EP400: variants seen among roughly 807,000 people sequenced by gnomAD.
EP400 encodes the protein E1A-binding protein p400.
EP400 carries 105 observed loss-of-function variants against 354.1 expected under a neutral mutation model. The ratio of observed to expected loss-of-function variants is 0.30; its 90% CI spans 0.25 to 0.35. The LOEUF is 0.35. Ranked by LOEUF, EP400 falls within the 10% of genes least tolerant of loss-of-function variation. EP400 has a pLI of 1.00. For synonymous variants in EP400, 1,646 were observed against 1,716.9 expected (o/e 0.96, Z 1.02); for missense variants, 3,280 against 4,121.0 (o/e 0.80, Z 5.59).
intron 45 of EP400, among the ~76,000 whole-genome samples, chr12:132,055,829 C>G (rs1309522890): frequency 6.6e-6 from 1 of 151,564 alleles, no homozygotes; most frequent in Non-Finnish European, 1.5e-5. Context: ...ATGTGAGGGT[C>G]CGCTGCTGAT....
rs1265775062 is a variant in EP400, at chr12:132,077,499, G to T, written c.9198G>T (p.Gln3066His). 6.2e-7 allele frequency: 1 copy of T among 1,613,784 alleles called. No homozygotes were observed. The highest frequency in any genetic ancestry group is 8.5e-7 in the Non-Finnish European group (1 of 1,180,024). ...CCGCGACTGCCCAGGTGGTTCAGCA[G>T]AAACTCATTCAGCAGCAGGTGGTGA... ...AVTATAQVVQ[Q>H]KLIQQQVVTT... The change falls in exon 53 of 53, where the codon CAG (glutamine) becomes CAT (histidine). Residue 3066 changes from glutamine to histidine, a missense_variant. By Grantham distance (24) the Gln-to-His change is conservative. Coordinates refer to ENST00000389561, the MANE Select transcript of EP400 (RefSeq NM_015409.5).
intron 2 of EP400, 124 bp from the exon 3 acceptor site, chr12:131,979,570 G>GTAGATAACAT: frequency 1.4e-6 from 1 of 717,548 alleles, no homozygotes; most frequent in African/African-American, 1.8e-5. Flanking sequence ...AAGACACGGG[G>GTAGATAACAT]TAGATAACAT....
intron 16 of EP400, 21 bp downstream of exon 16, chr12:132,011,655 A>G: frequency 1.3e-6 from 2 of 1,569,082 alleles, no homozygotes; most frequent in Non-Finnish European, 1.7e-6. Flanking sequence ...TTTAAACATA[A>G]AATAAAGCTA....
Position 131,990,891 on chromosome 12 carries a change from T to A in EP400, c.2629+177T>A, listed in dbSNP as rs1304121015. ...CATCCTAGTTTTATGCTTCAGTGCTTTTGAGATGTGCTAGTGTGAGTCAGC... is the reference window on the plus strand; with the variant it reads ...CATCCTAGTTTTATGCTTCAGTGCTATTGAGATGTGCTAGTGTGAGTCAGC... On this transcript the variant is annotated intron_variant, in intron 9 of 52. Coordinates refer to ENST00000389561, the MANE Select transcript of EP400 (RefSeq NM_015409.5). The surrounding 1 kb of genome is among the most constrained non-coding windows in gnomAD (Gnocchi z 4.2). Among the ~76,000 whole-genome samples the A allele has an allele frequency of 6.6e-6, 1 of 152,158 alleles. No homozygotes were observed. Among genetic ancestry groups the A allele is most frequent in the Non-Finnish European group, 1.5e-5 (1 of 68,026 alleles).
At chr12:132,049,667 G>C (rs1416611329) in intron 39 of EP400, among the ~76,000 whole-genome samples, 1 of 152,178 alleles carries the variant, frequency 6.6e-6, no homozygotes, top group African/African-American at 2.4e-5. Context: ...CCCTGGTCTT[G>C]ACTTGTCGCT....
At chr12:131,957,838 C>T (rs574453321) in intron 1 of EP400, among the ~76,000 whole-genome samples, 141 of 152,202 alleles carry the variant, frequency 9.3e-4, no homozygotes, top group Admixed American at 1.5e-3. Context: ...TCCAGTGATC[C>T]GCCTATCTTG....
chr12:132,072,149 G>A (rs1378249597), intron 51 of EP400, among the ~76,000 whole-genome samples: 8 of 152,148 alleles, frequency 5.3e-5, no homozygotes, highest in Admixed American at 1.3e-4. Flanking sequence ...TTTCTGAGAC[G>A]CGCTCCTGCT....
Position 131,961,185 on chromosome 12 carries a change from A to G in EP400, c.566A>G (p.His189Arg). ...AGCTTGAGCCCCTCCAGTGGTGGACACTTTGTGTTTCAGGATGGGTCAGGG... is the reference window on the plus strand; with the variant it reads ...AGCTTGAGCCCCTCCAGTGGTGGACGCTTTGTGTTTCAGGATGGGTCAGGG... Reference protein sequence around the residue: ...QISLSPSSGGHFVFQDGSGLT... With the variant: ...QISLSPSSGGRFVFQDGSGLT... Residue 189 changes from histidine (H) to arginine (R), a missense_variant, in exon 2 of 53, where the codon CAC becomes CGC. By Grantham distance (29) the His-to-Arg change is conservative (BLOSUM62 0). Around this residue, in one of 20 missense-constraint regions of EP400, gnomAD observed 11 missense variants for 42.2 expected, o/e 0.26. Transcript: ENST00000389561. 6.4e-7 allele frequency: 1 copy of G among 1,564,590 alleles called. No individual in the cohort carries two copies. Among genetic ancestry groups the G allele is most frequent in the Non-Finnish European group, 8.7e-7 (1 of 1,151,518 alleles).
At position 132,069,681 on chromosome 12, in the gene EP400, G is replaced by A. The variant is rs748798235; in HGVS notation, c.9021+40G>A. 6 of 1,609,614 alleles carry A rather than the reference G, an allele frequency of 3.7e-6. No homozygotes were observed. The Admixed American group carries it at 1.0e-4, about 27-fold the overall frequency. ...GGGTGAGGGCCCGAGTGTCAGGAGT[G>A]GGTGCCCGGCCTTTGGATTGTGTGT... On this transcript the variant is annotated intron_variant, in intron 51 of 52. Coordinates refer to ENST00000389561, the MANE Select transcript of EP400 (RefSeq NM_015409.5).
intron 12 of EP400, among the ~76,000 whole-genome samples, chr12:131,999,362 A>T (rs750165448): frequency 3.3e-5 from 5 of 152,138 alleles, no homozygotes; most frequent in Non-Finnish European, 7.3e-5. Context: ...CATAGTGTAT[A>T]GGGTTCTTGT....
chr12:132,021,991 C>T (rs1361846837), intron 23 of EP400, among the ~76,000 whole-genome samples: 2 of 152,220 alleles, frequency 1.3e-5, no homozygotes, highest in African/African-American at 4.8e-5. Context: ...GCCACCTCAA[C>T]TCCTTTTGTT....
At chr12:132,040,015 G>A (rs1247326920) in intron 32 of EP400, among the ~76,000 whole-genome samples, 1 of 152,214 alleles carries the variant, frequency 6.6e-6, no homozygotes, top group African/African-American at 2.4e-5. Flanking sequence ...ACTCCAACCT[G>A]GGTGACAGAG....
In EP400 at chr12:132,053,390, A is replaced by ACCCCCCC; in HGVS notation, c.7526_7527insCCCCCCC (p.Gln2511ProfsTer73). 1.7e-6 allele frequency: 2 copies of ACCCCCCC among 1,146,730 alleles called. No individual in the cohort carries two copies. Among genetic ancestry groups the ACCCCCCC allele is most frequent in the Non-Finnish European group, 1.2e-6 (1 of 860,118 alleles). 71.0% of individuals were successfully genotyped at this position (1,146,730 alleles called of 1,614,324 possible). On this transcript the variant is annotated frameshift_variant, in exon 43 of 53. Coordinates refer to ENST00000389561, the MANE Select transcript of EP400 (RefSeq NM_015409.5). LOFTEE classifies it high-confidence loss of function. Reference sequence around the variant, plus strand: ...CACAGCAGCCGGCCGTGGCCCAGCCACCCCCGCCCCAGCCGCAGCCCCCAC... The same window carrying ACCCCCCC: ...CACAGCAGCCGGCCGTGGCCCAGCCACCCCCCCCCCCCGCCCCAGCCGCAGCCCCCAC...
intron 47 of EP400, among the ~76,000 whole-genome samples, chr12:132,062,943 A>G (rs1168108021): frequency 2.0e-5 from 3 of 152,204 alleles, no homozygotes; most frequent in Admixed American, 1.3e-4. Context: ...ATTAACACCC[A>G]GCGTGCAAAT....
intron 50 of EP400, chr12:132,068,587 C>T (rs1212350854): frequency 6.6e-6 from 1 of 152,366 alleles, no homozygotes; most frequent in African/African-American, 2.4e-5. Flanking sequence ...TCCTTTGGAA[C>T]CCAGAGGGAG....
At chr12:132,002,034 T>A (rs1893434371) in intron 12 of EP400, among the ~76,000 whole-genome samples, 1 of 152,318 alleles carries the variant, frequency 6.6e-6, no homozygotes, top group Admixed American at 6.5e-5. Flanking sequence ...TATTGGAACT[T>A]CATTGTGGAA....
At chr12:131,976,731 G>T (rs542242143) in intron 2 of EP400, among the ~76,000 whole-genome samples, 2 of 151,970 alleles carry the variant, frequency 1.3e-5, no homozygotes, top group African/African-American at 4.8e-5. Context: ...AAACAAAAAC[G>T]CCAAACAGCA....
Position 131,961,189 on chromosome 12 carries a change from T to C in EP400, c.570T>C (p.Phe190=). ...ISLSPSSGGH[F]VFQDGSGLTQ... ...TGAGCCCCTCCAGTGGTGGACACTT[T>C]GTGTTTCAGGATGGGTCAGGGCTCA... The change falls in exon 2 of 53, where the codon TTT becomes TTC. Residue 190 remains phenylalanine, a synonymous_variant. Transcript: ENST00000389561. 5.2e-6 allele frequency: 8 copies of C among 1,550,474 alleles called. No individual in the cohort carries two copies. The highest frequency in any genetic ancestry group is 7.0e-6 in the Non-Finnish European group (8 of 1,141,602).
chr12:132,028,070 C>G lies in EP400; in HGVS notation c.5163C>G (p.Asn1721Lys). ...GCCTGGATCAGATTTATTTAGTCAA[C>G]GAGCGGCGCTGTTCTCAAGCTCCAG... ...KERLDQIYLV[N>K]ERRCSQAPVY... The change falls in exon 27 of 53, where the codon AAC becomes AAG. Residue 1721 changes from asparagine (N) to lysine (K), a missense_variant. Physicochemically the swap from Asn to Lys is moderately conservative, Grantham distance 94. Transcript: ENST00000389561. 1 of 1,614,206 alleles carries G rather than the reference C, an allele frequency of 6.2e-7. No individual in the cohort carries two copies. The highest frequency in any genetic ancestry group is 8.5e-7 in the Non-Finnish European group (1 of 1,180,034).
Sources: gnomAD v4.1 joint callset for allele counts (sites outside exome capture counted in the v4.1 genomes callset) on GRCh38, gnomAD v4.1.1 for gene constraint, gnomAD v4.1.1 regional missense constraint, Gnocchi (gnomAD v3.1) non-coding constraint, MANE v1.5 for transcripts, NCBI Gene and HGNC (gene_info 2026-07-23, HGNC 2026-07-21) for gene names.